Variants in DNAH9 observed in about 807,000 individuals in gnomAD.
DNAH9 encodes the protein dynein axonemal heavy chain 9.
In DNAH9, 345 loss-of-function variants were observed where a neutral mutation model predicts 471.6. The observed-to-expected ratio is 0.73, with a 90% CI of 0.67 to 0.80. The LOEUF (loss-of-function observed/expected upper bound fraction) is 0.80. DNAH9 is among the 30% of genes least tolerant of loss of function. The pLI is 0.00. For synonymous variants in DNAH9, 2,093 were observed against 2,123.6 expected (o/e 0.99, Z 0.40); for missense variants, 5,407 against 5,609.2 (o/e 0.96, Z 1.15).
At chr17:11,726,161 C>T (rs892874983) in intron 27 of DNAH9, among the ~76,000 whole-genome samples, 6 of 152,136 alleles carry the variant, frequency 3.9e-5, no homozygotes, top group Admixed American at 3.9e-4. Context: ...TATACAGATA[C>T]TCCTATCCTA....
intron 38 of DNAH9, 68 bp from the exon 39 acceptor site, chr17:11,780,941 C>A: frequency 1.3e-6 from 2 of 1,514,116 alleles, no homozygotes; most frequent in South Asian, 2.5e-5. Context: ...TCCTTGAAAT[C>A]TTTGCTGTCT....
rs547144057 is a variant in DNAH9, at chr17:11,763,474, A to G, written c.7030A>G (p.Met2344Val). The G allele has an allele frequency of 6.2e-7, 1 of 1,614,150 alleles. No individual in the cohort carries two copies. Among genetic ancestry groups the G allele is most frequent in the South Asian group, 1.1e-5 (1 of 91,080 alleles). The change falls in exon 36 of 69, where the codon ATG (methionine) becomes GTG (valine). Residue 2344 changes from methionine to valine, a missense_variant. Met to Val is a conservative substitution (Grantham distance 21). Around this residue, in one of 3 missense-constraint regions of DNAH9, gnomAD observed 4,636 missense variants for 4,900.3 expected, o/e 0.95. Coordinates refer to ENST00000262442, the MANE Select transcript of DNAH9 (RefSeq NM_001372.4). ...KKIIPIPEQSMVQMVCHLLEC... is the reference protein window; with the variant it reads ...KKIIPIPEQSVVQMVCHLLEC... The stretch of plus-strand genomic sequence containing the variant: ...GATCATTCCCATCCCAGAGCAGAGC[A>G]TGGTTCAGATGGTGTGTCACCTTCT...
chr17:11,763,797 G>C (rs555459633), intron 36 of DNAH9, among the ~76,000 whole-genome samples, 183 bp downstream of exon 36: 10 of 152,156 alleles, frequency 6.6e-5, no homozygotes, highest in Non-Finnish European at 1.5e-4. Flanking sequence ...GACCTCATAG[G>C]GTGAGATACA....
At chr17:11,635,913 C>G (rs2073155295) in intron 8 of DNAH9, among the ~76,000 whole-genome samples, 3 of 152,126 alleles carry the variant, frequency 2.0e-5, no homozygotes, top group African/African-American at 7.2e-5. Flanking sequence ...TCAAATTCTC[C>G]CCAACATCCA....
chr17:11,892,350 C>A lies in DNAH9; in HGVS notation c.11283+403C>A, dbSNP rs910063303. On this transcript the variant is annotated intron_variant, in intron 58 of 68. Transcript: ENST00000262442. This position sits in a 1 kb window ranked among gnomAD's most constrained non-coding sequence, Gnocchi z 4.3. ...TCATTGTTTATTTACCTTTAGACTG[C>A]AAGTTTACTGATGCAGCCATCCCCC... Among the ~76,000 whole-genome samples, 2 of 152,100 alleles carry A rather than the reference C, an allele frequency of 1.3e-5. No individual in the cohort carries two copies. Among genetic ancestry groups the A allele is most frequent in the Non-Finnish European group, 1.5e-5 (1 of 68,032 alleles).
At chr17:11,825,284 A>G (rs1165180837) in intron 48 of DNAH9, among the ~76,000 whole-genome samples, 1 of 152,126 alleles carries the variant, frequency 6.6e-6, no homozygotes, top group Non-Finnish European at 1.5e-5. Flanking sequence ...GTACTACCAG[A>G]TTTTTAAAAA....
At chr17:11,897,590 C>T (rs959836199) in intron 59 of DNAH9, among the ~76,000 whole-genome samples, 8 of 152,160 alleles carry the variant, frequency 5.3e-5, no homozygotes, top group Non-Finnish European at 1.2e-4. Flanking sequence ...GAATGAACCC[C>T]TTTGCAGAAC....
chr17:11,969,447 G>T lies in DNAH9; in HGVS notation c.13381G>T (p.Val4461Leu). ...GACTAGTCAGCGGGGACCCACCTACGTGTGGACTTTCAACCTGAAGACTAA... is the reference window on the plus strand; with the variant it reads ...GACTAGTCAGCGGGGACCCACCTACTTGTGGACTTTCAACCTGAAGACTAA... The part of the protein sequence containing the change: ...YKTSQRGPTY[V>L]WTFNLKTKEN... Residue 4461 changes from valine to leucine, a missense_variant, in exon 69 of 69, where the codon GTG becomes TTG. Val to Leu is a conservative substitution (Grantham distance 32, BLOSUM62 1). Around this residue, in one of 3 missense-constraint regions of DNAH9, gnomAD observed 4,636 missense variants for 4,900.3 expected, o/e 0.95. Coordinates refer to ENST00000262442, the MANE Select transcript of DNAH9 (RefSeq NM_001372.4). 1 of 1,613,914 alleles carries T rather than the reference G, an allele frequency of 6.2e-7. No homozygotes were observed. Among genetic ancestry groups the T allele is most frequent in the Non-Finnish European group, 8.5e-7 (1 of 1,179,996 alleles).
At chr17:11,791,529 G>A (rs1969061966) in intron 41 of DNAH9, among the ~76,000 whole-genome samples, 2 of 151,910 alleles carry the variant, frequency 1.3e-5, no homozygotes, top group African/African-American at 4.8e-5. Context: ...TGGCCAATAT[G>A]GCGAAACCTG....
chr17:11,598,487 A>T lies in DNAH9; in HGVS notation c.-12A>T, dbSNP rs2072304241. 7.3e-7 allele frequency: 1 copy of T among 1,363,406 alleles called. No individual in the cohort carries two copies. Among genetic ancestry groups the T allele is most frequent in the Non-Finnish European group, 9.4e-7 (1 of 1,066,718 alleles). The allele number at this position is 1,363,406 out of a possible 1,614,324, so 84.5% of individuals were successfully genotyped here. Reference sequence around the variant, plus strand: ...TCGCTAGGGAAACCGATGCAGCTGGAGGCCGCGCGCGATGCGGCTCGCGGA... The same window carrying T: ...TCGCTAGGGAAACCGATGCAGCTGGTGGCCGCGCGCGATGCGGCTCGCGGA... On this transcript the variant is annotated 5_prime_UTR_variant, in exon 1 of 69. Coordinates refer to ENST00000262442, the MANE Select transcript of DNAH9 (RefSeq NM_001372.4).
At chr17:11,756,735 T>C (rs1411218355) in intron 34 of DNAH9, 59 bp downstream of exon 34, 1 of 1,082,262 alleles carries the variant, frequency 9.2e-7, no homozygotes, top group Non-Finnish European at 1.4e-6. Flanking sequence ...TACCTCTGGC[T>C]TCACACGTAG....
chr17:11,877,255 T>C (rs1567869126), intron 53 of DNAH9, among the ~76,000 whole-genome samples: 1 of 150,998 alleles, frequency 6.6e-6, no homozygotes, highest in Admixed American at 6.6e-5. Flanking sequence ...AGCAGATCAT[T>C]TGAGGTCAGG....
intron 61 of DNAH9, among the ~76,000 whole-genome samples, chr17:11,912,781 A>G (rs779121021): frequency 3.3e-5 from 5 of 152,234 alleles, no homozygotes; most frequent in Non-Finnish European, 5.9e-5. Flanking sequence ...CTTTCTTTGC[A>G]ATGTCCTTGT....
At chr17:11,869,102 G>A (rs373722712) in intron 50 of DNAH9, 32 bp from the exon 51 acceptor site, 17 of 1,608,404 alleles carry the variant, frequency 1.1e-5, no homozygotes, top group African/African-American at 2.7e-5. Context: ...GGGCCGAAAT[G>A]ACTGATGGTC....
chr17:11,613,567 C>T (rs1285972101), intron 4 of DNAH9, among the ~76,000 whole-genome samples: 9 of 152,078 alleles, frequency 5.9e-5, no homozygotes, highest in African/African-American at 2.2e-4. Flanking sequence ...ATCGCGTCAC[C>T]GCACTCCAGC....
At chr17:11,927,497 A>G (rs1434139018) in intron 62 of DNAH9, among the ~76,000 whole-genome samples, 4 of 152,194 alleles carry the variant, frequency 2.6e-5, no homozygotes, top group Non-Finnish European at 4.4e-5. Flanking sequence ...TCCCAGCACC[A>G]TTTATTAAAT....
intron 13 of DNAH9, among the ~76,000 whole-genome samples, chr17:11,651,887 A>C (rs1049169299): frequency 2.0e-5 from 3 of 152,136 alleles, no homozygotes; most frequent in Admixed American, 6.5e-5. Flanking sequence ...ATGAAAAGCC[A>C]TCATAGAGGT....
intron 26 of DNAH9, among the ~76,000 whole-genome samples, chr17:11,706,327 T>C (rs2074699570): frequency 6.6e-6 from 1 of 152,148 alleles, no homozygotes; most frequent in South Asian, 2.1e-4. Context: ...CCATCACTTA[T>C]ATTAATTCAC....
chr17:11,796,894 T>G (rs1007154000), intron 42 of DNAH9, among the ~76,000 whole-genome samples: 1 of 152,210 alleles, frequency 6.6e-6, no homozygotes, highest in Non-Finnish European at 1.5e-5. Context: ...AGACGCAGAC[T>G]CCTTATCCTT....
Sources: allele counts gnomAD v4.1 joint callset (sites outside exome capture counted in the v4.1 genomes callset), GRCh38; gene constraint gnomAD v4.1.1; regional missense constraint gnomAD v4.1.1; non-coding constraint Gnocchi (gnomAD v3.1); transcripts MANE v1.5; gene names NCBI Gene and HGNC (gene_info 2026-07-23, HGNC 2026-07-21).